The following DNM3 variants were observed in gnomAD, a reference collection of about 807,000 sequenced individuals.
DNM3 encodes the protein dynamin-3.
Under a neutral mutation model 101.6 loss-of-function variants are expected in DNM3, and 47 were observed. The observed-to-expected ratio is 0.46, with a 90% CI of 0.37 to 0.59. The LOEUF is 0.59. Ranked by LOEUF, DNM3 falls within the 20% of genes least tolerant of loss-of-function variation. The probability of loss-of-function intolerance (pLI) is 0.00; values close to 1 mark genes in which losing one functional copy is unlikely to be tolerated. For synonymous variants in DNM3, 385 were observed against 387.9 expected (o/e 0.99, Z 0.09); for missense variants, 849 against 1,085.7 (o/e 0.78, Z 3.06).
chr1:171,962,302 A>G (rs1411770935), intron 2 of DNM3, among the ~76,000 whole-genome samples: 1 of 152,204 alleles, frequency 6.6e-6, no homozygotes, highest in Non-Finnish European at 1.5e-5. Flanking sequence ...GACAGATACT[A>G]TATGATTCCA....
At chr1:171,933,128 T>G (rs1186103473) in intron 2 of DNM3, among the ~76,000 whole-genome samples, 1 of 152,206 alleles carries the variant, frequency 6.6e-6, no homozygotes, top group African/African-American at 2.4e-5. Flanking sequence ...ATGGGGTTTT[T>G]GCATTACAGC....
At chr1:172,218,603 A>G (rs1019428423) in intron 14 of DNM3, among the ~76,000 whole-genome samples, 1 of 152,140 alleles carries the variant, frequency 6.6e-6, no homozygotes, top group Non-Finnish European at 1.5e-5. Flanking sequence ...TGATATATAC[A>G]AAATATTACC....
chr1:172,179,908 C>T (rs650603), intron 14 of DNM3, among the ~76,000 whole-genome samples: 4,809 of 151,988 alleles, frequency 0.032, 255 homozygotes, highest in African/African-American at 0.11. Context: ...AGGGATTAGA[C>T]GACTAGAACC....
chr1:172,123,527 C>G (rs1483310084), intron 13 of DNM3, among the ~76,000 whole-genome samples: 1 of 152,148 alleles, frequency 6.6e-6, no homozygotes, highest in African/African-American at 2.4e-5. Flanking sequence ...GACTTTTGAA[C>G]ACTTTCCTGA....
intron 15 of DNM3, among the ~76,000 whole-genome samples, chr1:172,306,644 A>G (rs1557967449): frequency 6.6e-6 from 1 of 152,226 alleles, no homozygotes; most frequent in East Asian, 1.9e-4. Flanking sequence ...ACAAGGCTAC[A>G]GTAAGCAAAA....
At chr1:172,290,978 A>AG (rs869236496) in intron 15 of DNM3, among the ~76,000 whole-genome samples, 2 of 137,104 alleles carry the variant, frequency 1.5e-5, no homozygotes, top group African/African-American at 5.5e-5. Flanking sequence ...TTGAGGACAG[A>AG]GGGGGAGTGG....
At chr1:172,370,041 A>G (rs2068242097) in intron 17 of DNM3, 1 of 151,902 alleles carries the variant, frequency 6.6e-6, no homozygotes, top group African/African-American at 2.4e-5. Flanking sequence ...TACTTCTTTT[A>G]AAACCCCATC....
At chr1:172,224,610 C>T (rs965389924) in intron 14 of DNM3, among the ~76,000 whole-genome samples, 1 of 152,218 alleles carries the variant, frequency 6.6e-6, no homozygotes, top group East Asian at 1.9e-4. Flanking sequence ...GAAATTCTCT[C>T]CAGGGCAAAC....
At chr1:172,108,878 C>A (rs1476157530) in intron 13 of DNM3, among the ~76,000 whole-genome samples, 1 of 152,198 alleles carries the variant, frequency 6.6e-6, no homozygotes, top group Non-Finnish European at 1.5e-5. Context: ...AGATTATTAG[C>A]TGTACTACCA....
chr1:172,263,071 T>C (rs1305779170), intron 15 of DNM3, among the ~76,000 whole-genome samples: 2 of 152,324 alleles, frequency 1.3e-5, no homozygotes, highest in African/African-American at 2.4e-5. Context: ...TAGTTTTTAT[T>C]CTCTTCCTGC....
intron 12 of DNM3, among the ~76,000 whole-genome samples, chr1:172,087,151 G>A (rs920726510): frequency 1.3e-5 from 2 of 152,140 alleles, no homozygotes; most frequent in African/African-American, 4.8e-5. Context: ...TGACACCACC[G>A]TTAATCACTC....
chr1:171,989,731 C>T (rs1006420684), intron 4 of DNM3, among the ~76,000 whole-genome samples: 7 of 152,194 alleles, frequency 4.6e-5, no homozygotes, highest in Non-Finnish European at 7.4e-5. Flanking sequence ...AGTTGAATAA[C>T]GACAGTTTAT....
chr1:172,056,062 A>G (rs894006294), intron 10 of DNM3, among the ~76,000 whole-genome samples: 1 of 152,140 alleles, frequency 6.6e-6, no homozygotes, highest in African/African-American at 2.4e-5. Context: ...TCCCTTTCCT[A>G]GTCAAAGAAA....
chr1:172,134,162 G>A (rs1006272531), intron 14 of DNM3, among the ~76,000 whole-genome samples: 2 of 152,142 alleles, frequency 1.3e-5, no homozygotes, highest in African/African-American at 4.8e-5. Context: ...TGGTGAGGGT[G>A]CGGAGCACTT....
intron 1 of DNM3, among the ~76,000 whole-genome samples, chr1:171,860,759 A>C (rs867438954): frequency 3.9e-5 from 6 of 152,062 alleles, no homozygotes; most frequent in African/African-American, 2.4e-5. Flanking sequence ...AAGAGTCTAC[A>C]AATATTTTGG....
At chr1:172,319,434 C>G (rs1202209406) in intron 16 of DNM3, among the ~76,000 whole-genome samples, 1 of 152,128 alleles carries the variant, frequency 6.6e-6, no homozygotes, top group East Asian at 1.9e-4. Flanking sequence ...AAGAAACTAC[C>G]ATCAGAGTGA....
intron 13 of DNM3, among the ~76,000 whole-genome samples, chr1:172,102,466 C>T (rs1394827119): frequency 1.3e-5 from 2 of 152,012 alleles, no homozygotes; most frequent in Admixed American, 6.6e-5. Flanking sequence ...TTAATGTATG[C>T]CACTTATGTT....
intron 14 of DNM3, among the ~76,000 whole-genome samples, chr1:172,143,661 T>C (rs2057715073): frequency 6.6e-6 from 1 of 152,154 alleles, no homozygotes; most frequent in Non-Finnish European, 1.5e-5. Flanking sequence ...GGAAGCATTG[T>C]AAGCTATAGG....
intron 14 of DNM3, among the ~76,000 whole-genome samples, chr1:172,180,392 C>T (rs1248474232): frequency 6.6e-6 from 1 of 151,960 alleles, no homozygotes; most frequent in African/African-American, 2.4e-5. Context: ...GAAACTAAAG[C>T]CAAAGAACAG....
Sources: allele counts gnomAD v4.1 joint callset (sites outside exome capture counted in the v4.1 genomes callset), GRCh38; gene constraint gnomAD v4.1.1; transcripts MANE v1.5; gene names NCBI Gene and HGNC (gene_info 2026-07-23, HGNC 2026-07-21).